The following TRAK1 variants were observed in gnomAD, a reference collection of about 807,000 sequenced individuals.
TRAK1 encodes the protein trafficking kinesin-binding protein 1.
In TRAK1, 33 loss-of-function variants were observed where a neutral mutation model predicts 92.1. That is an observed-to-expected ratio of 0.36 (90% CI 0.27 to 0.48). The LOEUF (loss-of-function observed/expected upper bound fraction) is 0.48. Among genes scored for constraint, TRAK1 ranks in the 20% least tolerant of loss-of-function variants. The probability of loss-of-function intolerance (pLI) is 0.99; values close to 1 mark genes in which losing one functional copy is unlikely to be tolerated. For synonymous variants in TRAK1, 521 were observed against 517.3 expected (o/e 1.01, Z -0.10); for missense variants, 1,123 against 1,257.9 (o/e 0.89, Z 1.62).
At position 42,097,852 on chromosome 3, in the gene TRAK1, T is replaced by A. The variant is rs562193034; in HGVS notation, c.91+6292T>A. On this transcript the variant is annotated intron_variant, in intron 1 of 15. Transcript: ENST00000327628. Reference sequence around the variant, plus strand: ...TGCCTTAGAAAACAGACCAAACACATACTGATAGGTTGGTCCATCAGAGTG... The same window carrying A: ...TGCCTTAGAAAACAGACCAAACACAAACTGATAGGTTGGTCCATCAGAGTG... 3.3e-5 allele frequency among the ~76,000 whole-genome samples: 5 copies of A among 152,314 alleles called. No individual in the cohort carries two copies. The South Asian group carries it at 1.0e-3, about 32-fold the overall frequency.
At chr3:42,093,103 A>T (rs1705343710) in intron 1 of TRAK1, among the ~76,000 whole-genome samples, 2 of 152,224 alleles carry the variant, frequency 1.3e-5, no homozygotes, top group African/African-American at 4.8e-5. Context: ...AATGAAACAG[A>T]AAAGAATGGA....
chr3:42,113,678 G>A (rs1708791951), intron 1 of TRAK1, among the ~76,000 whole-genome samples: 1 of 152,016 alleles, frequency 6.6e-6, no homozygotes, highest in African/African-American at 2.4e-5. Flanking sequence ...GCCTCCCAAA[G>A]TTCTGGGATT....
chr3:42,137,034 A>T (rs1290371362), intron 2 of TRAK1, among the ~76,000 whole-genome samples: 2 of 152,226 alleles, frequency 1.3e-5, no homozygotes, highest in Admixed American at 6.5e-5. Flanking sequence ...GAAAATAAAA[A>T]CAAAAAGATG....
chr3:42,149,459 C>T (rs897168626), intron 2 of TRAK1: 11 of 1,531,694 alleles, frequency 7.2e-6, no homozygotes, highest in African/African-American at 4.1e-5. Context: ...TCTGGAAGGG[C>T]GGGGAGGCAT....
chr3:42,174,370 A>G (rs1237477813), intron 2 of TRAK1, among the ~76,000 whole-genome samples: 1 of 152,254 alleles, frequency 6.6e-6, no homozygotes, highest in Non-Finnish European at 1.5e-5. Flanking sequence ...AAGTGCAAGT[A>G]AAACGGGAAC....
chr3:42,188,282 C>T (rs1705189795), intron 5 of TRAK1, 137 bp downstream of exon 5: 1 of 723,030 alleles, frequency 1.4e-6, no homozygotes, highest in Non-Finnish European at 2.5e-6. Context: ...GGACCAAACA[C>T]CTCCAAGTGC....
chr3:42,203,135 A>T, intron 13 of TRAK1: 1 of 1,218,232 alleles, frequency 8.2e-7, no homozygotes, highest in Non-Finnish European at 1.0e-6. Flanking sequence ...GCAGAAAATT[A>T]ATGCTTTAGC....
exon 1 of TRAK1, chr3:42,014,035 C>G (rs1402283372): frequency 1.3e-5 from 2 of 151,288 alleles, no homozygotes; most frequent in Non-Finnish European, 3.0e-5. Flanking sequence ...GGGGCCGGGC[C>G]GAGAACGACG....
At chr3:42,017,261 A>AAAAAC (rs1207371324) in intron 1 of TRAK1, among the ~76,000 whole-genome samples, 5 of 152,192 alleles carry the variant, frequency 3.3e-5, no homozygotes, top group Non-Finnish European at 5.9e-5. Flanking sequence ...ACTCTGTCTC[A>AAAAAC]AAAACAAAAC....
At chr3:42,061,453 C>T (rs913485972) in intron 1 of TRAK1, among the ~76,000 whole-genome samples, 3 of 151,868 alleles carry the variant, frequency 2.0e-5, no homozygotes, top group African/African-American at 7.3e-5. Context: ...AGAGTGGACC[C>T]TGGCCATGGC....
chr3:42,184,064 T>C (rs761461742), intron 3 of TRAK1, among the ~76,000 whole-genome samples: 4 of 152,204 alleles, frequency 2.6e-5, no homozygotes, highest in Admixed American at 6.5e-5. Flanking sequence ...AGTTGTTTTT[T>C]TCTTAAATGA....
intron 2 of TRAK1, among the ~76,000 whole-genome samples, chr3:42,136,632 G>T (rs1442125565): frequency 6.7e-6 from 1 of 149,116 alleles, no homozygotes; most frequent in Non-Finnish European, 1.5e-5. Flanking sequence ...CAATACAAAA[G>T]AAAAATAAAT....
intron 2 of TRAK1, among the ~76,000 whole-genome samples, chr3:42,126,337 G>A (rs1181508728): frequency 6.6e-6 from 1 of 152,090 alleles, no homozygotes; most frequent in Non-Finnish European, 1.5e-5. Flanking sequence ...TAACTGTTGT[G>A]TGAAAGCTCA....
chr3:42,072,936 G>A (rs751091732), intron 1 of TRAK1, among the ~76,000 whole-genome samples: 1 of 152,082 alleles, frequency 6.6e-6, no homozygotes, highest in African/African-American at 2.4e-5. Context: ...TTTTTCCAGG[G>A]CCAGAGAAAG....
intron 1 of TRAK1, among the ~76,000 whole-genome samples, chr3:42,115,818 G>A (rs934416263): frequency 9.2e-5 from 14 of 152,296 alleles, no homozygotes; most frequent in Admixed American, 4.6e-4. Flanking sequence ...CCTATCCCTT[G>A]TCCCTTTGTG....
At chr3:42,033,722 T>C (rs1237865039) in intron 1 of TRAK1, among the ~76,000 whole-genome samples, 1 of 152,206 alleles carries the variant, frequency 6.6e-6, no homozygotes, top group Non-Finnish European at 1.5e-5. Flanking sequence ...AGTTCTGCCT[T>C]GCTCTTGCTT....
intron 2 of TRAK1, among the ~76,000 whole-genome samples, chr3:42,170,536 T>C (rs1486430946): frequency 6.6e-6 from 1 of 152,244 alleles, no homozygotes; most frequent in Non-Finnish European, 1.5e-5. Flanking sequence ...GGCACCTAAG[T>C]ACCAGCTCTG....
chr3:42,089,475 G>A (rs1267978458), upstream of TRAK1, among the ~76,000 whole-genome samples: 1 of 152,152 alleles, frequency 6.6e-6, no homozygotes, highest in Non-Finnish European at 1.5e-5. Flanking sequence ...TAAGGAAGGG[G>A]CTGAATGACA....
intron 1 of TRAK1, among the ~76,000 whole-genome samples, chr3:42,040,680 C>T (rs1702501295): frequency 7.0e-6 from 1 of 142,960 alleles, no homozygotes. Flanking sequence ...AGTACTACAC[C>T]TTTTTTTTTT....
Sources: gnomAD v4.1 joint callset for allele counts (sites outside exome capture counted in the v4.1 genomes callset) on GRCh38, gnomAD v4.1.1 for gene constraint, MANE v1.5 for transcripts, NCBI Gene and HGNC (gene_info 2026-07-23, HGNC 2026-07-21) for gene names.